The following GRM1 variants were observed in gnomAD, a reference collection of about 807,000 sequenced individuals.
GRM1 encodes glutamate metabotropic receptor 1, also known as metabotropic glutamate receptor 1.
A neutral mutation model predicts 90.9 loss-of-function variants in GRM1; 33 were observed. That is an observed-to-expected ratio of 0.36 (90% CI 0.28 to 0.49). GRM1 has a LOEUF of 0.49. Ranked by LOEUF, GRM1 falls within the 20% of genes least tolerant of loss-of-function variation. The pLI, the probability that GRM1 is intolerant of heterozygous loss-of-function variation, is 0.99. For synonymous variants in GRM1, 700 were observed against 613.2 expected (o/e 1.14, Z -2.09); for missense variants, 1,190 against 1,534.3 (o/e 0.78, Z 3.75).
chr6:146,159,831 G>T, intron 2 of GRM1: 1 of 479,096 alleles, frequency 2.1e-6, no homozygotes, highest in Non-Finnish European at 3.8e-6. Context: ...GGGAGGATTG[G>T]TTAAGCCCAG....
Position 146,140,716 on chromosome 6 carries a change from G to A in GRM1, c.701-18632G>A, listed in dbSNP as rs144546120. Among the ~76,000 whole-genome samples, 245 of 152,132 alleles carry A rather than the reference G, an allele frequency of 1.6e-3. 1 individual carries two copies. The highest frequency in any genetic ancestry group is 6.8e-3 in the Middle Eastern group (2 of 294). On this transcript the variant is annotated intron_variant, in intron 1 of 7. Transcript: ENST00000282753. ...AAGAGAAAACTAATAAAAACTCTAC[G>A]CTTCAATTTTGTCTGCTTTTTAACT...
intron 2 of GRM1, among the ~76,000 whole-genome samples, chr6:146,205,317 T>A (rs1343439485): frequency 6.6e-6 from 1 of 152,168 alleles, no homozygotes; most frequent in African/African-American, 2.4e-5. Flanking sequence ...TAAAAGATAA[T>A]GTTCATTTTA....
chr6:146,359,771 G>T (rs362845), intron 5 of GRM1, among the ~76,000 whole-genome samples: 29,871 of 152,090 alleles, frequency 0.2, 3,854 homozygotes, highest in African/African-American at 0.37. Context: ...TCATGTTTGT[G>T]CTATGCCCAT....
At chr6:146,208,210 T>A (rs980745598) in intron 2 of GRM1, among the ~76,000 whole-genome samples, 2 of 152,184 alleles carry the variant, frequency 1.3e-5, no homozygotes, top group African/African-American at 4.8e-5. Context: ...AGGTCACCTC[T>A]CTGTCAGGCG....
chr6:146,377,914 G>A (rs1001354171), intron 5 of GRM1, among the ~76,000 whole-genome samples: 10 of 152,290 alleles, frequency 6.6e-5, no homozygotes, highest in South Asian at 2.1e-4. Flanking sequence ...GTGGTTGCAC[G>A]GAAGTTGGAA....
intron 5 of GRM1, among the ~76,000 whole-genome samples, chr6:146,360,242 C>T (rs1199567946): frequency 6.6e-6 from 1 of 151,958 alleles, no homozygotes; most frequent in Non-Finnish European, 1.5e-5. Flanking sequence ...TTCTGATAAC[C>T]CACAGAACTT....
At chr6:146,179,534 G>C (rs899526115) in intron 2 of GRM1, among the ~76,000 whole-genome samples, 1 of 152,176 alleles carries the variant, frequency 6.6e-6, no homozygotes, top group African/African-American at 2.4e-5. Context: ...TTTGTTCTGA[G>C]ACGGAGTTTC....
At chr6:146,031,600 A>G (rs1346143494) in intron 1 of GRM1, among the ~76,000 whole-genome samples, 1 of 152,202 alleles carries the variant, frequency 6.6e-6, no homozygotes, top group Non-Finnish European at 1.5e-5. Flanking sequence ...TGATATTATA[A>G]CTTTATAATA....
chr6:146,343,500 G>C (rs997676044), intron 3 of GRM1, among the ~76,000 whole-genome samples: 1 of 151,740 alleles, frequency 6.6e-6, no homozygotes, highest in African/African-American at 2.4e-5. Context: ...ATTTATATCA[G>C]CATGGGTATT....
At chr6:146,267,778 G>C (rs1227493315) in intron 2 of GRM1, among the ~76,000 whole-genome samples, 2 of 150,012 alleles carry the variant, frequency 1.3e-5, no homozygotes, top group Non-Finnish European at 3.0e-5. Flanking sequence ...TTTTCTGCCT[G>C]CTTTATATTC....
chr6:146,152,526 C>A (rs1235630194), intron 1 of GRM1, among the ~76,000 whole-genome samples: 2 of 152,014 alleles, frequency 1.3e-5, no homozygotes, highest in African/African-American at 4.8e-5. Context: ...TGAGCAAGAA[C>A]TTCCAATTAA....
At chr6:146,239,547 G>GAAA (rs901965779) in intron 2 of GRM1, among the ~76,000 whole-genome samples, 1 of 151,612 alleles carries the variant, frequency 6.6e-6, no homozygotes, top group Non-Finnish European at 1.5e-5. Context: ...ACGGATGCAT[G>GAAA]AAAAAAAATG....
chr6:146,407,204 G>A (rs983465869), intron 7 of GRM1, among the ~76,000 whole-genome samples: 3 of 152,152 alleles, frequency 2.0e-5, no homozygotes, highest in Non-Finnish European at 4.4e-5. Context: ...AGACCACCTG[G>A]AAAGCCACAT....
chr6:146,257,570 A>G lies in GRM1; in HGVS notation c.951-47041A>G, dbSNP rs569169078. On this transcript the variant is annotated intron_variant, in intron 2 of 7. Coordinates refer to ENST00000282753, the MANE Select transcript of GRM1 (RefSeq NM_001278064.2). ...GTGTGTACATATATATATTACATAT[A>G]ATTTCTTATAAAGAATTGACTTACG... 2.6e-5 allele frequency among the ~76,000 whole-genome samples: 4 copies of G among 151,670 alleles called. No homozygotes were observed. The East Asian group carries it at 5.8e-4, about 22-fold the overall frequency.
At chr6:146,419,444 T>C (rs1777909602) in intron 7 of GRM1, among the ~76,000 whole-genome samples, 1 of 152,186 alleles carries the variant, frequency 6.6e-6, no homozygotes, top group African/African-American at 2.4e-5. Context: ...AAATGAAAAC[T>C]GAGACAATTA....
chr6:146,316,648 G>A lies in GRM1; in HGVS notation c.1186+11802G>A, dbSNP rs1332339765. On this transcript the variant is annotated intron_variant, in intron 3 of 7. Transcript: ENST00000282753. ...AAGGTAAAACATCCAGGCAGTTGAC[G>A]ACATATATTTCTTGCATCCACTCTC... Among the ~76,000 whole-genome samples the A allele has an allele frequency of 3.3e-5, 5 of 152,258 alleles. No homozygotes were observed. The South Asian group carries it at 1.0e-3, about 32-fold the overall frequency.
At chr6:146,223,672 T>C (rs566977997) in intron 2 of GRM1, among the ~76,000 whole-genome samples, 1 of 152,220 alleles carries the variant, frequency 6.6e-6, no homozygotes, top group Admixed American at 6.5e-5. Context: ...AGCAAAGCAA[T>C]TTCATTGCCT....
Position 146,434,437 on chromosome 6 carries a change from C to A in GRM1, c.3226C>A (p.Gln1076Lys), listed in dbSNP as rs768482892. 2.5e-6 allele frequency: 4 copies of A among 1,613,790 alleles called. No individual in the cohort carries two copies. Among genetic ancestry groups the A allele is most frequent in the Admixed American group, 1.7e-5 (1 of 60,010 alleles). ...GCCCCCGCCACCTCCGCAGCACCTG[C>A]AGATGCTGCCGCTGCAGCTGAGCAC... ...YPPPPPPQHL[Q>K]MLPLQLSTFG... The change falls in exon 8 of 8, where the codon CAG (glutamine) becomes AAG (lysine). Residue 1076 changes from glutamine to lysine, a missense_variant. Physicochemically the swap from Gln to Lys is moderately conservative, Grantham distance 53 (BLOSUM62 1). Transcript: ENST00000282753.
intron 2 of GRM1, among the ~76,000 whole-genome samples, chr6:146,267,241 A>G (rs1038022325): frequency 6.6e-6 from 1 of 152,164 alleles, no homozygotes; most frequent in African/African-American, 2.4e-5. Context: ...TGGCTGCATA[A>G]TATTCCATGG....
Sources: gnomAD v4.1 joint callset for allele counts (sites outside exome capture counted in the v4.1 genomes callset) on GRCh38, gnomAD v4.1.1 for gene constraint, MANE v1.5 for transcripts, NCBI Gene and HGNC (gene_info 2026-07-23, HGNC 2026-07-21) for gene names.